The following PLAU variants were observed in gnomAD, a reference collection of about 807,000 sequenced individuals.
PLAU encodes urokinase-type plasminogen activator.
A neutral mutation model predicts 48.9 loss-of-function variants in PLAU; 32 were observed. That is an observed-to-expected ratio of 0.65 (90% CI 0.49 to 0.88). PLAU has a LOEUF of 0.88. Ranked by LOEUF, PLAU falls within the 40% of genes least tolerant of loss-of-function variation. The pLI is 0.00. For synonymous variants in PLAU, 199 were observed against 205.7 expected (o/e 0.97, Z 0.28); for missense variants, 455 against 545.2 (o/e 0.83, Z 1.65).
At chr10:73,909,254 GT>G (rs111307659), upstream of PLAU, 2 of 152,182 alleles carry the variant, frequency 1.3e-5, no homozygotes, top group Non-Finnish European at 2.9e-5. Flanking sequence ...AATCATGACG[GT>G]CCCTGGGAAT....
chr10:73,913,815 T>TA, intron 7 of PLAU, 57 bp downstream of exon 7: 1 of 1,450,328 alleles, frequency 6.9e-7, no homozygotes, highest in South Asian at 1.3e-5. Flanking sequence ...GCACATCCCT[T>TA]TCTCCTTCCC....
In PLAU at chr10:73,913,707, G is replaced by C; in HGVS notation, c.629G>C (p.Gly210Ala). 1 of 1,612,782 alleles carries C rather than the reference G, an allele frequency of 6.2e-7. No individual in the cohort carries two copies. Among genetic ancestry groups the C allele is most frequent in the Non-Finnish European group, 8.5e-7 (1 of 1,179,414 alleles). Residue 210 changes from glycine (G) to alanine (A), a missense_variant, in exon 7 of 11, where the codon GGA becomes GCA. Physicochemically the swap from Gly to Ala is moderately conservative, Grantham distance 60. Coordinates refer to ENST00000372764, the MANE Select transcript of PLAU (RefSeq NM_002658.6). ...GGGGGCTCTGTCACCTACGTGTGTG[G>C]AGGCAGCCTCATCAGCCCTTGCTGG... Reference protein sequence around the residue: ...HRGGSVTYVCGGSLISPCWVI... With the variant: ...HRGGSVTYVCAGSLISPCWVI...
In PLAU at chr10:73,913,292, A is replaced by G; in HGVS notation, c.371A>G (p.Asn124Ser). The G allele has an allele frequency of 6.2e-7, 1 of 1,614,086 alleles. No homozygotes were observed. The highest frequency in any genetic ancestry group is 2.2e-5 in the East Asian group (1 of 44,874). ...LGLGKHNYCR[N>S]PDNRRRPWCY... ...CCCCTATCTTTCTGTGTTGCCAGGA[A>G]CCCAGACAACCGGAGGCGACCCTGG... The change falls in exon 6 of 11, where the codon AAC becomes AGC. Residue 124 changes from asparagine (N) to serine (S), a missense_variant and splice_region_variant. Asn to Ser is a conservative substitution (Grantham distance 46). Coordinates refer to ENST00000372764, the MANE Select transcript of PLAU (RefSeq NM_002658.6).
In PLAU at chr10:73,913,316, G is replaced by T. The variant is rs2096128859; in HGVS notation, c.395G>T (p.Trp132Leu). ...AACCCAGACAACCGGAGGCGACCCT[G>T]GTGCTATGTGCAGGTGGGCCTAAAG... ...CRNPDNRRRP[W>L]CYVQVGLKLL... is the part of the protein sequence containing the mutation. The change falls in exon 6 of 11, where the codon TGG becomes TTG. Residue 132 changes from tryptophan to leucine, a missense_variant. Transcript: ENST00000372764. 3 of 1,614,168 alleles carry T rather than the reference G, an allele frequency of 1.9e-6. No individual in the cohort carries two copies. The highest frequency in any genetic ancestry group is 2.5e-6 in the Non-Finnish European group (3 of 1,180,024).
chr10:73,914,749 C>G (rs2096132644), intron 8 of PLAU, 27 bp from the exon 9 acceptor site: 3 of 1,606,632 alleles, frequency 1.9e-6, no homozygotes, highest in Non-Finnish European at 2.6e-6. Context: ...AGTGATCTTT[C>G]TCCTCTGACC....
At chr10:73,911,494 C>T in intron 1 of PLAU, 31 bp from the exon 2 acceptor site, 10 of 1,586,646 alleles carry the variant, frequency 6.3e-6, no homozygotes, top group Non-Finnish European at 7.7e-6. Context: ...CGTTCCTCCG[C>T]CTCTTGCCCT....
In PLAU at chr10:73,912,204, G is replaced by C; in HGVS notation, c.86-11G>C. The C allele has an allele frequency of 6.2e-7, 1 of 1,614,132 alleles. No individual in the cohort carries two copies. The highest frequency in any genetic ancestry group is 2.2e-5 in the East Asian group (1 of 44,880). ...ACTCCCCCTCGCTTACCCCACCTTT[G>C]TTCTCTCCAGCGAACTGTGACTGTC... On this transcript the variant is annotated splice_polypyrimidine_tract_variant and intron_variant, in intron 3 of 10. Transcript: ENST00000372764.
rs1009204476 is a variant in PLAU, at chr10:73,913,356, G to A, written c.435G>A (p.Glu145=). 3.1e-6 allele frequency: 5 copies of A among 1,614,132 alleles called. No individual in the cohort carries two copies. The Middle Eastern group carries it at 6.6e-4, about 213-fold the overall frequency. The stretch of plus-strand genomic sequence containing the variant: ...TGGGCCTAAAGCTGCTTGTCCAAGA[G>A]TGCATGGTGCATGACTGCGCAGATG... ...VQVGLKLLVQ[E]CMVHDCADGK... The change falls in exon 6 of 11, where the codon GAG becomes GAA. Residue 145 remains glutamate, a synonymous_variant. Transcript: ENST00000372764.
At position 73,914,105 on chromosome 10, in the gene PLAU, C is replaced by A. The variant is rs201687228; in HGVS notation, c.806C>A (p.Thr269Lys). 1 of 1,614,192 alleles carries A rather than the reference C, an allele frequency of 6.2e-7. No individual in the cohort carries two copies. The highest frequency in any genetic ancestry group is 1.1e-5 in the South Asian group (1 of 91,088). Residue 269 changes from threonine (T) to lysine (K), a missense_variant, in exon 8 of 11, where the codon ACG becomes AAG. Physicochemically the swap from Thr to Lys is moderately conservative, Grantham distance 78. Coordinates refer to ENST00000372764, the MANE Select transcript of PLAU (RefSeq NM_002658.6). ...CTACACAAGGACTACAGCGCTGACA[C>A]GCTTGCTCACCACAACGACATTGGT... Reference protein sequence around the residue: ...LILHKDYSADTLAHHNDIALL... With the variant: ...LILHKDYSADKLAHHNDIALL...
chr10:73,912,377 G>A, intron 4 of PLAU, 55 bp downstream of exon 4: 1 of 1,040,720 alleles, frequency 9.6e-7, no homozygotes, highest in Non-Finnish European at 1.5e-6. Context: ...GGAGGGATGG[G>A]TGGGAGGCAA....
upstream of PLAU, chr10:73,910,080 T>A (rs917027045): frequency 1.3e-5 from 2 of 152,222 alleles, no homozygotes; most frequent in Non-Finnish European, 2.9e-5. Context: ...AAAAAATGCA[T>A]AATTATCTTT....
In PLAU at chr10:73,911,154, G is replaced by C. The variant is rs904539090; in HGVS notation, c.-96G>C. 8.4e-6 allele frequency: 2 copies of C among 238,038 alleles called. No homozygotes were observed. Among genetic ancestry groups the C allele is most frequent in the Admixed American group, 6.1e-5 (1 of 16,310 alleles). The allele number at this position is 238,038 out of a possible 1,614,324, so 14.7% of individuals were successfully genotyped here. A position where few individuals can be genotyped will look rare whatever the true frequency, so the allele number is the denominator to read the frequency against. ...AGCACAGTGCGGAGACCGCAGCCCC[G>C]GAGCCCGGGCCAGGGTCCACCTGTC... On this transcript the variant is annotated 5_prime_UTR_variant, in exon 1 of 11. Transcript: ENST00000372764.
Position 73,916,586 on chromosome 10 carries a change from G to T in PLAU, c.*21G>T. 1 of 1,587,942 alleles carries T rather than the reference G, an allele frequency of 6.3e-7. No individual in the cohort carries two copies. The highest frequency in any genetic ancestry group is 2.0e-4 in the Middle Eastern group (1 of 4,962). On this transcript the variant is annotated 3_prime_UTR_variant, in exon 11 of 11. Coordinates refer to ENST00000372764, the MANE Select transcript of PLAU (RefSeq NM_002658.6). ...TCTGAGGGTCCCCAGGGAGGAAACG[G>T]GCACCACCCGCTTTCTTGCTGGTTG...
rs2096133100 is a variant in PLAU, at chr10:73,914,876, C to T, written c.930C>T (p.Gly310=). ...CGATGTATAACGATCCCCAGTTTGG[C>T]ACAAGCTGTGAGATCACTGGCTTTG... ...LPSMYNDPQF[G]TSCEITGFGK... Residue 310 remains glycine (G), a synonymous_variant, in exon 9 of 11, where the codon GGC becomes GGT. Coordinates refer to ENST00000372764, the MANE Select transcript of PLAU (RefSeq NM_002658.6). 2 of 1,614,154 alleles carry T rather than the reference C, an allele frequency of 1.2e-6. No individual in the cohort carries two copies.
At chr10:73,914,159 A>G (rs753067235) in intron 8 of PLAU, 31 bp downstream of exon 8, 3 of 1,611,612 alleles carry the variant, frequency 1.9e-6, no homozygotes, top group Non-Finnish European at 2.5e-6. Context: ...TACTGTGGCC[A>G]TAATGGCTTG....
intron 4 of PLAU, 46 bp from the exon 5 acceptor site, chr10:73,912,878 T>A: frequency 6.9e-7 from 1 of 1,442,522 alleles, no homozygotes; most frequent in Middle Eastern, 1.8e-4. Context: ...TTAGTTGGAA[T>A]GTTCTTCTCT....
Position 73,911,839 on chromosome 10 carries a change from A to T in PLAU, c.58-202A>T, listed in dbSNP as rs763597131. ...GCCGGGACTGCCCCAGCCTGCGGGCATCTGGTAGATGAAGCTTGCTTGGGT... is the reference window on the plus strand; with the variant it reads ...GCCGGGACTGCCCCAGCCTGCGGGCTTCTGGTAGATGAAGCTTGCTTGGGT... On this transcript the variant is annotated intron_variant, in intron 2 of 10. Transcript: ENST00000372764. 2.6e-5 allele frequency: 40 copies of T among 1,552,092 alleles called. No homozygotes were observed. The South Asian group carries it at 4.5e-4, about 17-fold the overall frequency.
Position 73,913,366 on chromosome 10 carries a change from C to T in PLAU, c.445C>T (p.His149Tyr), listed in dbSNP as rs117135013. 1.1e-3 allele frequency: 1,791 copies of T among 1,613,856 alleles called. 3 individuals carry two copies. The highest frequency in any genetic ancestry group is 1.4e-3 in the Non-Finnish European group (1,645 of 1,179,756). ...GCTGCTTGTCCAAGAGTGCATGGTG[C>T]ATGACTGCGCAGATGGTGAGCATCA... ...LKLLVQECMVHDCADGKKPSS... is the reference protein window; with the variant it reads ...LKLLVQECMVYDCADGKKPSS... The change falls in exon 6 of 11, where the codon CAT becomes TAT. Residue 149 changes from histidine to tyrosine, a missense_variant. Coordinates refer to ENST00000372764, the MANE Select transcript of PLAU (RefSeq NM_002658.6).
chr10:73,910,150 A>T (rs1256772837), upstream of PLAU: 2 of 152,256 alleles, frequency 1.3e-5, no homozygotes, highest in Non-Finnish European at 2.9e-5. Context: ...AAGGACAAAC[A>T]GTGAAAAATA....
Sources: allele counts gnomAD v4.1 joint callset, GRCh38; gene constraint gnomAD v4.1.1; transcripts MANE v1.5; gene names NCBI Gene and HGNC (gene_info 2026-07-23, HGNC 2026-07-21).